Variants in ARHGEF28 observed in about 807,000 individuals in gnomAD.
ARHGEF28 encodes Rho guanine nucleotide exchange factor 28, also known as 190 kDa guanine nucleotide exchange factor.
ARHGEF28 carries 152 observed loss-of-function variants against 206.6 expected under a neutral mutation model. That is an observed-to-expected ratio of 0.74 (90% CI 0.64 to 0.84). ARHGEF28 has a LOEUF of 0.84. Among genes scored for constraint, ARHGEF28 ranks in the 40% least tolerant of loss-of-function variants. The pLI is 0.00. For missense variants in ARHGEF28, 2,028 were observed against 2,073.2 expected (o/e 0.98, Z 0.42); for synonymous variants, 763 against 776.4 (o/e 0.98, Z 0.29).
At chr5:73,660,862 G>T (rs1046338124) in intron 1 of ARHGEF28, among the ~76,000 whole-genome samples, 4 of 152,124 alleles carry the variant, frequency 2.6e-5, no homozygotes, top group Non-Finnish European at 5.9e-5. Context: ...AGGCTTTGTT[G>T]TTCTGTTTAT....
Position 73,858,065 on chromosome 5 carries a change from ACTG to A in ARHGEF28, c.1915-11_1915-9del. On this transcript the variant is annotated intron_variant, in intron 15 of 35. Coordinates refer to ENST00000513042, the MANE Select transcript of ARHGEF28 (RefSeq NM_001177693.2). Reference sequence around the variant, plus strand: ...TTTTCTCATTTTTCCCCACTTTCCTACTGCTGCTGCTGCATCTGAAGACAAAAA... The same window carrying A: ...TTTTCTCATTTTTCCCCACTTTCCTACTGCTGCTGCATCTGAAGACAAAAA... 5 of 1,581,306 alleles carry A rather than the reference ACTG, an allele frequency of 3.2e-6. No individual in the cohort carries two copies. The highest frequency in any genetic ancestry group is 2.2e-5 in the East Asian group (1 of 44,706).
chr5:73,897,917 C>G, intron 29 of ARHGEF28, 45 bp from the exon 30 acceptor site: 1 of 1,537,458 alleles, frequency 6.5e-7, no homozygotes, highest in Non-Finnish European at 8.8e-7. Flanking sequence ...TAAATATATA[C>G]CTATCTTTGT....
rs866528174 is a variant in ARHGEF28 at position 73,798,397 on chromosome 5, C to A, written c.1024+3006C>A. ...TCAGGGCATCAAGAATTAACACTTA[C>A]CATTAGTTTATAAGCTGAAAATGAT... On this transcript the variant is annotated intron_variant, in intron 9 of 35. Transcript: ENST00000513042. Among the ~76,000 whole-genome samples the A allele has an allele frequency of 7.9e-5, 12 of 152,138 alleles. No individual in the cohort carries two copies. In the Middle Eastern group the frequency reaches 0.01, roughly 129 times the overall value.
chr5:73,884,129 T>C (rs1172389944), intron 24 of ARHGEF28, among the ~76,000 whole-genome samples: 2 of 152,220 alleles, frequency 1.3e-5, no homozygotes, highest in African/African-American at 4.8e-5. Context: ...ACTTTGAACC[T>C]GCCTTTCTTC....
chr5:73,910,408 G>T lies in ARHGEF28; in HGVS notation c.4647+511G>T, dbSNP rs559272587. ...AAAAAAAAAAAAAAAAAAAAAAAAG[G>T]ACAATGTGAGGGCCCAAGTCCTATG... On this transcript the variant is annotated intron_variant, in intron 34 of 35. Transcript: ENST00000513042. 3.7e-5 allele frequency among the ~76,000 whole-genome samples: 3 copies of T among 80,990 alleles called. No individual in the cohort carries two copies. The South Asian group carries it at 1.2e-3, about 31-fold the overall frequency. 53.1% of individuals were successfully genotyped at this position (80,990 alleles called of 152,430 possible). A position where few individuals can be genotyped will look rare whatever the true frequency, so the allele number is the denominator to read the frequency against.
At chr5:73,883,516 G>A (rs772310273) in intron 23 of ARHGEF28, among the ~76,000 whole-genome samples, 13 of 152,106 alleles carry the variant, frequency 8.5e-5, no homozygotes, top group Non-Finnish European at 1.6e-4. Context: ...AGAAGTATTG[G>A]AACTTCTTTT....
intron 3 of ARHGEF28, 87 bp downstream of exon 3, chr5:73,750,071 A>G (rs1350554017): frequency 6.6e-7 from 1 of 1,513,658 alleles, no homozygotes; most frequent in Admixed American, 2.0e-5. Context: ...AGAGCCAGGA[A>G]GAAAAAGAAA....
chr5:73,817,766 C>T (rs535173539), intron 9 of ARHGEF28, among the ~76,000 whole-genome samples: 19 of 152,208 alleles, frequency 1.2e-4, no homozygotes, highest in Admixed American at 3.9e-4. Flanking sequence ...CCAGGACACT[C>T]GAGAGTGTCC....
chr5:73,813,534 C>G (rs1294500793), intron 9 of ARHGEF28: 8 of 1,531,208 alleles, frequency 5.2e-6, no homozygotes, highest in African/African-American at 1.4e-5. Context: ...GGGGACGCCC[C>G]GAGTTCTTCC....
intron 34 of ARHGEF28, 114 bp downstream of exon 34, chr5:73,910,011 A>G: frequency 5.9e-6 from 8 of 1,365,500 alleles, no homozygotes; most frequent in Non-Finnish European, 6.6e-6. Flanking sequence ...AGAAGACCTC[A>G]TGAGGATTTT....
At chr5:73,708,160 C>A (rs554442944) in intron 2 of ARHGEF28, among the ~76,000 whole-genome samples, 1 of 151,474 alleles carries the variant, frequency 6.6e-6, no homozygotes, top group Admixed American at 6.6e-5. Context: ...GTCTTACAGT[C>A]AAAACACTTT....
intron 5 of ARHGEF28, among the ~76,000 whole-genome samples, chr5:73,774,596 T>G (rs139190500): frequency 6.3e-4 from 96 of 152,332 alleles, no homozygotes; most frequent in African/African-American, 2.2e-3. Flanking sequence ...TTGGTGGTCA[T>G]TATGGTCTAA....
At chr5:73,778,914 T>G (rs1205577309) in intron 6 of ARHGEF28, among the ~76,000 whole-genome samples, 1 of 152,248 alleles carries the variant, frequency 6.6e-6, no homozygotes, top group Non-Finnish European at 1.5e-5. Context: ...GACTTTGATT[T>G]GAGTGACTGA....
intron 2 of ARHGEF28, among the ~76,000 whole-genome samples, chr5:73,725,910 C>T (rs73762177): frequency 0.017 from 2,644 of 152,216 alleles, 75 homozygotes; most frequent in African/African-American, 0.06. Flanking sequence ...TAAGTATCAA[C>T]CCTTTATTCT....
At chr5:73,795,505 A>G (rs1192072571) in intron 9 of ARHGEF28, 114 bp downstream of exon 9, 176 of 926,450 alleles carry the variant, frequency 1.9e-4, no homozygotes, top group Admixed American at 6.8e-5. Context: ...AACCTTATCT[A>G]TTTCCTGAAA....
chr5:73,873,122 TA>T lies in ARHGEF28; in HGVS notation c.2691del (p.Asp898MetfsTer14). 6.2e-7 allele frequency: 1 copy of T among 1,613,102 alleles called. No homozygotes were observed. Among genetic ancestry groups the T allele is most frequent in the Non-Finnish European group, 8.5e-7 (1 of 1,179,552 alleles). ...HSTVDKIFPC[L>X]DELLEIHRHF... ...ACCGTGGATAAAATTTTCCCCTGTT[TA>T]GATGAGTTGCTTGAAATCCACAGGC... On this transcript the variant is annotated frameshift_variant, in exon 22 of 36. Coordinates refer to ENST00000513042, the MANE Select transcript of ARHGEF28 (RefSeq NM_001177693.2). LOFTEE classifies it high-confidence loss of function.
Position 73,660,264 on chromosome 5 carries a change from A to G in ARHGEF28, c.-11-24577A>G, listed in dbSNP as rs112579072. ...CTTTCTTTGCTCATCCATAATAAGCAACTCTTCATCCACTCAAGTTTGATC... is the reference window on the plus strand; with the variant it reads ...CTTTCTTTGCTCATCCATAATAAGCGACTCTTCATCCACTCAAGTTTGATC... On this transcript the variant is annotated intron_variant, in intron 1 of 35. Transcript: ENST00000513042. Among the ~76,000 whole-genome samples the G allele has an allele frequency of 1.0e-3, 159 of 152,302 alleles. 1 individual carries two copies. Among genetic ancestry groups the G allele is most frequent in the Middle Eastern group, 6.8e-3 (2 of 294 alleles).
chr5:73,864,576 T>A (rs1759591919), intron 16 of ARHGEF28, among the ~76,000 whole-genome samples: 1 of 152,206 alleles, frequency 6.6e-6, no homozygotes, highest in Admixed American at 6.5e-5. Context: ...TAGTAATTGA[T>A]AAGATCCTGT....
chr5:73,787,213 A>G (rs1426146024), intron 7 of ARHGEF28, among the ~76,000 whole-genome samples: 2 of 152,226 alleles, frequency 1.3e-5, no homozygotes, highest in Non-Finnish European at 1.5e-5. Flanking sequence ...AGTACTAGGC[A>G]GGCCGTTCTG....
Sources: allele counts gnomAD v4.1 joint callset (sites outside exome capture counted in the v4.1 genomes callset), GRCh38; gene constraint gnomAD v4.1.1; transcripts MANE v1.5; gene names NCBI Gene and HGNC (gene_info 2026-07-23, HGNC 2026-07-21).